CALD1: variants seen among roughly 807,000 people sequenced by gnomAD.
The protein encoded by CALD1 is caldesmon.
In CALD1, 33 loss-of-function variants were observed where a neutral mutation model predicts 99.9. The ratio of observed to expected loss-of-function variants is 0.33; its 90% CI spans 0.25 to 0.44. The LOEUF is 0.44. Among genes scored for constraint, CALD1 ranks in the 20% least tolerant of loss-of-function variants. CALD1 has a pLI of 1.00. For missense variants in CALD1, 861 were observed against 962.1 expected (o/e 0.89, Z 1.39); for synonymous variants, 310 against 325.0 (o/e 0.95, Z 0.50).
intron 9 of CALD1, among the ~76,000 whole-genome samples, chr7:134,952,362 G>A (rs946984469): frequency 4.6e-5 from 7 of 151,998 alleles, no homozygotes; most frequent in South Asian, 2.1e-4. Context: ...ATATGTGTAC[G>A]GTTATATCAA....
intron 3 of CALD1, among the ~76,000 whole-genome samples, chr7:134,870,747 GCT>G (rs1801034880): frequency 1.4e-5 from 2 of 142,552 alleles, no homozygotes; most frequent in Admixed American, 7.2e-5. Flanking sequence ...TCTCTCTCTC[GCT>G]CTTTCTTTCT....
intron 6 of CALD1, among the ~76,000 whole-genome samples, chr7:134,937,538 G>A (rs998849211): frequency 6.6e-6 from 1 of 151,176 alleles, no homozygotes; most frequent in Non-Finnish European, 1.5e-5. Flanking sequence ...CCCCTTTCCA[G>A]CTAGTTGTGT....
the CALD1 span, among the ~76,000 whole-genome samples, chr7:134,723,840 T>C: frequency 6.6e-6 from 1 of 152,158 alleles, no homozygotes; most frequent in Non-Finnish European, 1.5e-5. Flanking sequence ...AGGTAGCCAG[T>C]TGGACAAAAT....
At chr7:134,816,812 TG>T (rs2131971760) in intron 1 of CALD1, among the ~76,000 whole-genome samples, 1 of 152,336 alleles carries the variant, frequency 6.6e-6, no homozygotes, top group South Asian at 2.1e-4. Context: ...GACAATCCCA[TG>T]GCTTCAATAG....
intron 1 of CALD1, among the ~76,000 whole-genome samples, chr7:134,795,323 C>G (rs13241896): frequency 6.6e-6 from 1 of 152,168 alleles, no homozygotes; most frequent in East Asian, 1.9e-4. Flanking sequence ...ATAACTCTCA[C>G]GAGATCTGAT....
chr7:134,767,227 G>C (rs113914351), intron 1 of CALD1, among the ~76,000 whole-genome samples: 1 of 138,510 alleles, frequency 7.2e-6, no homozygotes. Flanking sequence ...GTGTGTGTGC[G>C]TGTGTGACAT....
rs536674542 is a variant in CALD1, at chr7:134,783,003, A to G, written c.-130+3254A>G. Reference sequence around the variant, plus strand: ...CATCAGTGGTACAAGGCACCAGGAAATCCAAAGATCCACTTGAGCATAAGA... The same window carrying G: ...CATCAGTGGTACAAGGCACCAGGAAGTCCAAAGATCCACTTGAGCATAAGA... On this transcript the variant is annotated intron_variant, in intron 1 of 14. Transcript: ENST00000361675. This position sits in a 1 kb window ranked among gnomAD's most constrained non-coding sequence, Gnocchi z 4.3. Among the ~76,000 whole-genome samples, 11 of 152,226 alleles carry G rather than the reference A, an allele frequency of 7.2e-5. No individual in the cohort carries two copies. Among genetic ancestry groups the G allele is most frequent in the African/African-American group, 2.7e-4 (11 of 41,462 alleles).
At chr7:134,883,843 C>G (rs945615590) in intron 3 of CALD1, among the ~76,000 whole-genome samples, 31 of 152,352 alleles carry the variant, frequency 2.0e-4, no homozygotes, top group African/African-American at 7.5e-4. Context: ...CGCGGTGGCT[C>G]ACGCCTGTAA....
chr7:134,858,481 T>C (rs1000481972), intron 2 of CALD1, among the ~76,000 whole-genome samples: 1 of 152,150 alleles, frequency 6.6e-6, no homozygotes, highest in African/African-American at 2.4e-5. Context: ...TGTAAGGTCT[T>C]TGAAGACAGA....
chr7:134,945,021 T>C (rs1430792057), intron 7 of CALD1, among the ~76,000 whole-genome samples: 1 of 152,208 alleles, frequency 6.6e-6, no homozygotes, highest in African/African-American at 2.4e-5. Flanking sequence ...TATGTCTTCA[T>C]CTTTTTATAG....
At chr7:134,910,741 T>C (rs1284121180) in intron 3 of CALD1, among the ~76,000 whole-genome samples, 1 of 152,198 alleles carries the variant, frequency 6.6e-6, no homozygotes, top group Non-Finnish European at 1.5e-5. Context: ...CTTTAGCACC[T>C]GATCATTGAC....
intron 2 of CALD1, among the ~76,000 whole-genome samples, chr7:134,851,485 C>T (rs571939524): frequency 3.0e-4 from 46 of 152,268 alleles, no homozygotes; most frequent in South Asian, 6.2e-4. Context: ...GAAACAGAGA[C>T]GAGTACAACC....
intron 3 of CALD1, among the ~76,000 whole-genome samples, chr7:134,868,711 T>A (rs532087923): frequency 5.1e-4 from 77 of 152,314 alleles, no homozygotes; most frequent in East Asian, 1.2e-3. Context: ...AAGCAAAAGA[T>A]AAAATAACTG....
chr7:134,950,581 T>C, intron 9 of CALD1, 67 bp downstream of exon 9: 1 of 1,268,324 alleles, frequency 7.9e-7, no homozygotes, highest in Non-Finnish European at 1.1e-6. Flanking sequence ...CCTTGTTTAG[T>C]TATTGATTAT....
At chr7:134,770,668 C>T (rs955026805) in intron 1 of CALD1, among the ~76,000 whole-genome samples, 1 of 152,108 alleles carries the variant, frequency 6.6e-6, no homozygotes, top group African/African-American at 2.4e-5. Context: ...ATATTGAGAT[C>T]CTTAACTATA....
chr7:134,768,977 G>A (rs941810873), intron 1 of CALD1, among the ~76,000 whole-genome samples: 1 of 151,640 alleles, frequency 6.6e-6, no homozygotes, highest in Non-Finnish European at 1.5e-5. Context: ...CACTCAATAT[G>A]CTTCTGAGTT....
At chr7:134,718,851 C>T in the CALD1 span, among the ~76,000 whole-genome samples, 3 of 152,222 alleles carry the variant, frequency 2.0e-5, no homozygotes, top group Admixed American at 6.5e-5. Flanking sequence ...GTTTTTATTT[C>T]CCCAAAATAT....
chr7:134,936,481 G>A (rs1040782561), intron 6 of CALD1, among the ~76,000 whole-genome samples: 1 of 152,114 alleles, frequency 6.6e-6, no homozygotes, highest in Non-Finnish European at 1.5e-5. Flanking sequence ...TGACTATATC[G>A]AATAAGTTCA....
chr7:134,720,241 T>C, the CALD1 span, among the ~76,000 whole-genome samples: 1 of 151,910 alleles, frequency 6.6e-6, no homozygotes, highest in African/African-American at 2.4e-5. Context: ...TGGGAAAGTT[T>C]CTCTTCTTCA....
Sources: allele counts gnomAD v4.1 joint callset (sites outside exome capture counted in the v4.1 genomes callset), GRCh38; gene constraint gnomAD v4.1.1; non-coding constraint Gnocchi (gnomAD v3.1); transcripts MANE v1.5; gene names NCBI Gene and HGNC (gene_info 2026-07-23, HGNC 2026-07-21).